The following RIIAD1 variants were observed in gnomAD, a reference collection of about 807,000 sequenced individuals.
The protein encoded by RIIAD1 is RIIa domain-containing protein 1.
In RIIAD1, 15 loss-of-function variants were observed where a neutral mutation model predicts 13.3. That is an observed-to-expected ratio of 1.13 (90% CI 0.76 to 1.74). The LOEUF (loss-of-function observed/expected upper bound fraction) is 1.74. RIIAD1 is among the 40% of genes most tolerant of loss of function. RIIAD1 has a pLI of 0.00. For missense variants in RIIAD1, 121 were observed against 112.2 expected (o/e 1.08, Z -0.35); for synonymous variants, 50 against 43.3 (o/e 1.16, Z -0.61).
intron 2 of RIIAD1, among the ~76,000 whole-genome samples, chr1:151,724,900 C>T (rs187304835): frequency 9.7e-4 from 147 of 151,268 alleles, no homozygotes; most frequent in Non-Finnish European, 1.7e-3. Flanking sequence ...CCCGTATTCA[C>T]GCCATTCTCC....
At chr1:151,723,468 GA>G (rs1027436995) in intron 2 of RIIAD1, among the ~76,000 whole-genome samples, 21 of 152,200 alleles carry the variant, frequency 1.4e-4, no homozygotes, top group African/African-American at 4.8e-4. Context: ...GGGAGGCTGA[GA>G]GGGGTGGATC....
intron 3 of RIIAD1, chr1:151,728,462 C>T (rs1164956280): frequency 5.6e-5 from 20 of 359,058 alleles, no homozygotes; most frequent in South Asian, 5.2e-4. Context: ...GAGGAGCAAA[C>T]GGTGCGACTC....
chr1:151,722,019 C>A, intron 1 of RIIAD1, 67 bp from the exon 2 acceptor site: 1 of 1,164,472 alleles, frequency 8.6e-7, no homozygotes, highest in Non-Finnish European at 1.3e-6. Flanking sequence ...CGCAGCCCTT[C>A]ACATCTCCAG....
At chr1:151,717,161 C>T (rs964408193), upstream of RIIAD1, among the ~76,000 whole-genome samples, 1 of 151,980 alleles carries the variant, frequency 6.6e-6, no homozygotes, top group Admixed American at 6.6e-5. Context: ...GAGGGGAGCC[C>T]GGCATCTGGG....
At chr1:151,729,339 C>A (rs1485425328) in intron 4 of RIIAD1, 149 bp from the exon 5 acceptor site, 2 of 152,600 alleles carry the variant, frequency 1.3e-5, no homozygotes, top group Admixed American at 6.5e-5. Flanking sequence ...CCTGCCTCAT[C>A]TTCAAGCCAG....
intron 3 of RIIAD1, chr1:151,713,633 T>C (rs1309994631): frequency 2.0e-5 from 3 of 152,222 alleles, no homozygotes; most frequent in African/African-American, 7.2e-5. Context: ...ACATCTGGCC[T>C]GTCAAGAGCT....
upstream of RIIAD1, among the ~76,000 whole-genome samples, chr1:151,719,855 G>T (rs1184165270): frequency 2.6e-5 from 4 of 152,146 alleles, no homozygotes; most frequent in African/African-American, 7.2e-5. Context: ...CAGACGGAGG[G>T]TATCAATCAT....
upstream of RIIAD1, among the ~76,000 whole-genome samples, chr1:151,718,756 C>T (rs572579280): frequency 5.9e-5 from 9 of 152,260 alleles, no homozygotes; most frequent in East Asian, 9.7e-4. Flanking sequence ...TCAGAAGAAG[C>T]GAATGACGGC....
intron 2 of RIIAD1, among the ~76,000 whole-genome samples, chr1:151,712,966 T>A (rs1673151453): frequency 6.6e-6 from 1 of 151,932 alleles, no homozygotes; most frequent in Non-Finnish European, 1.5e-5. Flanking sequence ...AAACACACAC[T>A]GAGGGGAGAA....
At chr1:151,714,786 C>A in intron 4 of RIIAD1, 1 of 770,626 alleles carries the variant, frequency 1.3e-6, no homozygotes, top group Admixed American at 2.2e-5. Flanking sequence ...CCCTTCTTGT[C>A]ATCTTCTGCC....
At chr1:151,719,746 A>G, upstream of RIIAD1, 1 of 654,914 alleles carries the variant, frequency 1.5e-6, no homozygotes, top group Non-Finnish European at 2.8e-6. Flanking sequence ...TAAAAAAACA[A>G]AAAGTAGCCC....
chr1:151,721,577 G>C lies in RIIAD1; in HGVS notation c.41G>C (p.Gly14Ala), dbSNP rs1425871879. The C allele has an allele frequency of 1.5e-6, 2 of 1,321,252 alleles. No individual in the cohort carries two copies. Among genetic ancestry groups the C allele is most frequent in the African/African-American group, 1.5e-5 (1 of 64,916 alleles). 81.8% of individuals were successfully genotyped at this position (1,321,252 alleles called of 1,614,324 possible). A position where few individuals can be genotyped will look rare whatever the true frequency, so the allele number is the denominator to read the frequency against. ...GGCTTGCTGCAGCGGCCCGACCCCGGGGCGCTTAGCGCAGCGCAGCTGGAG... is the reference window on the plus strand; with the variant it reads ...GGCTTGCTGCAGCGGCCCGACCCCGCGGCGCTTAGCGCAGCGCAGCTGGAG... ...LPGLLQRPDP[G>A]ALSAAQLEQL... The change falls in exon 1 of 5, where the codon GGG becomes GCG. Residue 14 changes from glycine to alanine, a missense_variant. Coordinates refer to ENST00000479191, the MANE Select transcript of RIIAD1 (RefSeq NM_001144956.3).
Position 151,729,593 on chromosome 1 carries a change from G to A in RIIAD1, c.*163G>A, listed in dbSNP as rs748469873. The A allele has an allele frequency of 3.9e-5, 6 of 152,148 alleles. No homozygotes were observed. Among genetic ancestry groups the A allele is most frequent in the Non-Finnish European group, 8.8e-5 (6 of 68,020 alleles). 9.4% of individuals were successfully genotyped at this position (152,148 alleles called of 1,614,324 possible). A position where few individuals can be genotyped will look rare whatever the true frequency, so the allele number is the denominator to read the frequency against. ...GCTTTTAAAGATATTCATTAAACAC[G>A]GACCTTCCTGCTCTCTCTGCTTTAT... On this transcript the variant is annotated 3_prime_UTR_variant, in exon 5 of 5. Transcript: ENST00000479191.
chr1:151,715,218 C>T (rs1673375693), intron 4 of RIIAD1, among the ~76,000 whole-genome samples: 1 of 152,160 alleles, frequency 6.6e-6, no homozygotes, highest in African/African-American at 2.4e-5. Flanking sequence ...CCCTGGGATC[C>T]CCGGTGTGTG....
At chr1:151,713,776 G>A (rs1421588210) in intron 3 of RIIAD1, among the ~76,000 whole-genome samples, 3 of 152,200 alleles carry the variant, frequency 2.0e-5, no homozygotes, top group Non-Finnish European at 4.4e-5. Context: ...TGGTGGGCGT[G>A]GGGGTTTGGG....
At position 151,729,258 on chromosome 1, in the gene RIIAD1, C is replaced by T. The variant is rs746872457; in HGVS notation, c.*58-230C>T. Among the ~76,000 whole-genome samples, 146 of 152,212 alleles carry T rather than the reference C, an allele frequency of 9.6e-4. 3 individuals carry two copies. The highest frequency in any genetic ancestry group is 1.3e-3 in the Non-Finnish European group (86 of 68,002). ...GTGACCTTGGTGGTGAGAGGGGAGA[C>T]GGTTCCATTGCTTCTGGAAGGGGTG... On this transcript the variant is annotated intron_variant, in intron 4 of 4. Transcript: ENST00000479191.
At chr1:151,716,836 C>T (rs1386170267), upstream of RIIAD1, 3 of 465,250 alleles carry the variant, frequency 6.4e-6, no homozygotes, top group Non-Finnish European at 1.3e-5. Context: ...CCACTCCCAC[C>T]TCCTTTCCCC....
At chr1:151,714,190 A>G (rs1029188426) in intron 3 of RIIAD1, among the ~76,000 whole-genome samples, 2 of 151,792 alleles carry the variant, frequency 1.3e-5, no homozygotes, top group African/African-American at 4.8e-5. Context: ...CTCCTCCCTC[A>G]TCTCACAGCC....
At chr1:151,720,425 ACAAT>A (rs890930820), upstream of RIIAD1, among the ~76,000 whole-genome samples, 7 of 152,190 alleles carry the variant, frequency 4.6e-5, no homozygotes, top group Non-Finnish European at 8.8e-5. Context: ...TTAAAAAAAG[ACAAT>A]CAACCAAAAT....
Sources: allele counts gnomAD v4.1 joint callset (sites outside exome capture counted in the v4.1 genomes callset), GRCh38; gene constraint gnomAD v4.1.1; transcripts MANE v1.5; gene names NCBI Gene and HGNC (gene_info 2026-07-23, HGNC 2026-07-21).